The following BFSP2 variants were observed in gnomAD, a reference collection of about 807,000 sequenced individuals.
The protein encoded by BFSP2 is beaded filament structural protein 2.
In BFSP2, 38 loss-of-function variants were observed where a neutral mutation model predicts 44.9. That is an observed-to-expected ratio of 0.85 (90% CI 0.65 to 1.11). The LOEUF (loss-of-function observed/expected upper bound fraction) is 1.11. Ranked by LOEUF, BFSP2 falls within the 50% of genes least tolerant of loss-of-function variation. The pLI is 0.00. For synonymous variants in BFSP2, 197 were observed against 209.9 expected (o/e 0.94, Z 0.53); for missense variants, 525 against 533.0 (o/e 0.99, Z 0.15).
chr3:133,464,967 A>G (rs573299061), intron 4 of BFSP2, among the ~76,000 whole-genome samples: 33 of 151,244 alleles, frequency 2.2e-4, no homozygotes, highest in African/African-American at 7.3e-4. Flanking sequence ...TGGAGGTGCT[A>G]CTACTGAGCT....
At chr3:133,406,239 G>A (rs1316122829) in intron 1 of BFSP2, among the ~76,000 whole-genome samples, 4 of 152,252 alleles carry the variant, frequency 2.6e-5, no homozygotes, top group East Asian at 1.9e-4. Context: ...GATCACAGGC[G>A]TGAGCCACCG....
chr3:133,417,146 CCT>C (rs372869016), intron 1 of BFSP2, among the ~76,000 whole-genome samples: 9 of 139,612 alleles, frequency 6.4e-5, no homozygotes, highest in African/African-American at 2.4e-4. Context: ...TGCCCTCTCC[CCT>C]CTCTCATCTC....
intron 4 of BFSP2, among the ~76,000 whole-genome samples, chr3:133,456,591 C>T (rs1303475237): frequency 6.6e-6 from 1 of 151,998 alleles, no homozygotes; most frequent in Non-Finnish European, 1.5e-5. Context: ...CACAAAAATA[C>T]AAAAATTAGC....
chr3:133,430,997 T>C (rs1486159586), intron 1 of BFSP2, among the ~76,000 whole-genome samples: 3 of 152,142 alleles, frequency 2.0e-5, no homozygotes, highest in African/African-American at 4.8e-5. Flanking sequence ...TAGTCAAGGT[T>C]AATGCTCCTT....
intron 1 of BFSP2, among the ~76,000 whole-genome samples, chr3:133,420,036 A>G (rs1050275623): frequency 1.3e-5 from 2 of 152,208 alleles, no homozygotes; most frequent in Non-Finnish European, 2.9e-5. Context: ...CACCTAGCCC[A>G]GTGGTAGGGG....
intron 1 of BFSP2, among the ~76,000 whole-genome samples, chr3:133,438,382 A>T (rs983590650): frequency 1.3e-5 from 2 of 152,100 alleles, no homozygotes; most frequent in South Asian, 4.1e-4. Context: ...CAAAATTACA[A>T]AAATTAGCTG....
chr3:133,473,785 A>C (rs1213460550), intron 6 of BFSP2, among the ~76,000 whole-genome samples: 1 of 152,104 alleles, frequency 6.6e-6, no homozygotes, highest in Non-Finnish European at 1.5e-5. Flanking sequence ...GTAAGGTCAC[A>C]GGTCAACAGG....
At position 133,466,918 on chromosome 3, in the gene BFSP2, G is replaced by A. The variant is rs1164540376; in HGVS notation, c.982G>A (p.Val328Ile). The A allele has an allele frequency of 1.2e-6, 2 of 1,613,994 alleles. No homozygotes were observed. The highest frequency in any genetic ancestry group is 1.7e-6 in the Non-Finnish European group (2 of 1,180,022). ...RVELHNTSCQ[V>I]QSLQAETESL... is the part of the protein sequence containing the mutation. ...GGAGTTACACAACACTTCGTGCCAA[G>A]TCCAGAGCCTCCAGGCTGAGACAGA... is the stretch of plus-strand genomic sequence containing the variant. Residue 328 changes from valine (V) to isoleucine (I), a missense_variant, in exon 5 of 7, where the codon GTC becomes ATC. Transcript: ENST00000302334.
chr3:133,441,153 C>T (rs945855353), intron 1 of BFSP2, among the ~76,000 whole-genome samples: 12 of 151,604 alleles, frequency 7.9e-5, no homozygotes, highest in Non-Finnish European at 1.5e-4. Flanking sequence ...AATTCTCCTG[C>T]CTCAACCTCC....
intron 4 of BFSP2, among the ~76,000 whole-genome samples, chr3:133,458,108 A>G (rs926167425): frequency 6.6e-6 from 1 of 152,208 alleles, no homozygotes; most frequent in Non-Finnish European, 1.5e-5. Context: ...TTCTATCAGA[A>G]ATATTTGAGA....
intron 1 of BFSP2, among the ~76,000 whole-genome samples, chr3:133,428,482 C>CA (rs35104282): frequency 0.78 from 114,430 of 147,082 alleles, 44,473 homozygotes; most frequent in Middle Eastern, 0.91. Flanking sequence ...AAAATAGTTC[C>CA]AAAAAAAAAA....
Position 133,471,451 on chromosome 3 carries a change from C to T in BFSP2, c.1024-894C>T, listed in dbSNP as rs2074160831. Among the ~76,000 whole-genome samples the T allele has an allele frequency of 2.0e-5, 3 of 152,188 alleles. No individual in the cohort carries two copies. In the South Asian group the frequency reaches 6.2e-4, roughly 32 times the overall value. Reference sequence around the variant, plus strand: ...CTGGTTTCCAGCTCACATGGGTTCACCCGTTGAAGCATAGACTAGGGGGAG... The same window carrying T: ...CTGGTTTCCAGCTCACATGGGTTCATCCGTTGAAGCATAGACTAGGGGGAG... On this transcript the variant is annotated intron_variant, in intron 5 of 6. Coordinates refer to ENST00000302334, the MANE Select transcript of BFSP2 (RefSeq NM_003571.4).
At chr3:133,472,690 C>T in intron 6 of BFSP2, 125 bp downstream of exon 6, 2 of 1,112,794 alleles carry the variant, frequency 1.8e-6, no homozygotes, top group Non-Finnish European at 2.7e-6. Flanking sequence ...CACATAGGCA[C>T]CCATTCCCAC....
At chr3:133,435,763 T>C (rs902575027) in intron 1 of BFSP2, among the ~76,000 whole-genome samples, 1 of 152,256 alleles carries the variant, frequency 6.6e-6, no homozygotes, top group Non-Finnish European at 1.5e-5. Context: ...TCTGCTGCTA[T>C]GGCCTTCGTC....
intron 1 of BFSP2, chr3:133,404,967 T>C (rs2073392639): frequency 6.6e-6 from 1 of 152,260 alleles, no homozygotes; most frequent in Non-Finnish European, 1.5e-5. Flanking sequence ...CCTTGCTCTG[T>C]GCTCCTGACT....
At position 133,431,845 on chromosome 3, in the gene BFSP2, C is replaced by T. The variant is rs559300115; in HGVS notation, c.490-15472C>T. Reference sequence around the variant, plus strand: ...TTAGACAATACCCTTTTAAGCACTCCTTTTTAGTTATCCCCACCTGCCCCG... The same window carrying T: ...TTAGACAATACCCTTTTAAGCACTCTTTTTTAGTTATCCCCACCTGCCCCG... On this transcript the variant is annotated intron_variant, in intron 1 of 6. Coordinates refer to ENST00000302334, the MANE Select transcript of BFSP2 (RefSeq NM_003571.4). 1.5e-3 allele frequency among the ~76,000 whole-genome samples: 232 copies of T among 152,198 alleles called. 1 individual carries two copies. The highest frequency in any genetic ancestry group is 4.8e-3 in the African/African-American group (200 of 41,514).
At chr3:133,414,947 C>G (rs996127530) in intron 1 of BFSP2, among the ~76,000 whole-genome samples, 1 of 141,936 alleles carries the variant, frequency 7.0e-6, no homozygotes, top group Admixed American at 6.9e-5. Context: ...CTCTACTCAC[C>G]CTGCCATCTC....
chr3:133,455,245 G>C (rs540705357), intron 4 of BFSP2: 1 of 152,242 alleles, frequency 6.6e-6, no homozygotes, highest in African/African-American at 2.4e-5. Flanking sequence ...GTATGTGCTA[G>C]ACTTTTATAT....
intron 4 of BFSP2, chr3:133,455,332 G>C (rs2074004009): frequency 6.6e-6 from 1 of 152,120 alleles, no homozygotes; most frequent in African/African-American, 2.4e-5. Flanking sequence ...TACCCACCAG[G>C]GCCGCATTCT....
Sources: allele counts gnomAD v4.1 joint callset (sites outside exome capture counted in the v4.1 genomes callset), GRCh38; gene constraint gnomAD v4.1.1; transcripts MANE v1.5; gene names NCBI Gene and HGNC (gene_info 2026-07-23, HGNC 2026-07-21).